SP110: variants seen among roughly 807,000 people sequenced by gnomAD.
SP110 encodes SP110 nuclear body protein.
SP110 carries 62 observed loss-of-function variants against 92.7 expected under a neutral mutation model. That is an observed-to-expected ratio of 0.67 (90% confidence interval 0.55 to 0.83). The LOEUF is 0.83. Ranked by LOEUF, SP110 falls within the 40% of genes least tolerant of loss-of-function variation. The pLI is 0.00. For synonymous variants in SP110, 273 were observed against 305.3 expected, an observed-to-expected ratio of 0.89 and a Z score of 1.10; for missense variants, 793 against 863.9, an observed-to-expected ratio of 0.92 and a Z score of 1.03.
At chr2:230,171,958 AG>A (rs2078454034) in intron 16 of SP110, 107 bp downstream of exon 16, 2 of 851,704 alleles carry the variant, frequency 2.3e-6, no homozygotes. Flanking sequence ...CATCCTTTAA[AG>A]GGAGACATTG....
At chr2:230,213,729 ATC>A in intron 3 of SP110, 1 of 152,862 alleles carries the variant, frequency 6.5e-6, no homozygotes, top group South Asian at 2.1e-4. Flanking sequence ...GAACAAAATC[ATC>A]AGGTTGAAGA....
chr2:230,196,232 C>A (rs2042864353), intron 10 of SP110, among the ~76,000 whole-genome samples: 2 of 152,030 alleles, frequency 1.3e-5, no homozygotes, highest in African/African-American at 2.4e-5. Flanking sequence ...AATTATTGGA[C>A]AAGTGTGCAA....
At chr2:230,223,931 C>A (rs1409894205), upstream of SP110, among the ~76,000 whole-genome samples, 1 of 152,212 alleles carries the variant, frequency 6.6e-6, no homozygotes, top group African/African-American at 2.4e-5. Context: ...AGGCCGGAGC[C>A]TTCTGACTCC....
chr2:230,185,873 T>C, intron 11 of SP110, 121 bp downstream of exon 11: 2 of 895,806 alleles, frequency 2.2e-6, no homozygotes, highest in Non-Finnish European at 3.8e-6. Flanking sequence ...TTCATGTCCC[T>C]CTTTTCTGTA....
At chr2:230,195,011 C>A (rs1221659560) in intron 10 of SP110, among the ~76,000 whole-genome samples, 1 of 151,720 alleles carries the variant, frequency 6.6e-6, no homozygotes, top group African/African-American at 2.4e-5. Flanking sequence ...TGATAAACAC[C>A]AAGAGAGTAA....
intron 12 of SP110, among the ~76,000 whole-genome samples, chr2:230,179,344 G>A (rs1001074273): frequency 3.9e-5 from 6 of 152,034 alleles, no homozygotes; most frequent in South Asian, 4.1e-4. Flanking sequence ...TAGTGGGGGT[G>A]TGGGAACTTA....
intron 10 of SP110, among the ~76,000 whole-genome samples, chr2:230,192,984 A>C (rs973523583): frequency 3.3e-5 from 5 of 152,100 alleles, no homozygotes; most frequent in African/African-American, 1.2e-4. Flanking sequence ...TTGTTGTCTT[A>C]TCTCTTTTCT....
chr2:230,222,122 C>G (rs142775929), upstream of SP110, among the ~76,000 whole-genome samples: 2 of 151,222 alleles, frequency 1.3e-5, no homozygotes, highest in Non-Finnish European at 2.9e-5. Context: ...CCGAGCTACT[C>G]GGGAGGCTGA....
intron 11 of SP110, among the ~76,000 whole-genome samples, chr2:230,184,693 C>T (rs1240862849): frequency 2.8e-5 from 2 of 71,454 alleles, no homozygotes; most frequent in South Asian, 3.7e-4. Context: ...ATTTCCCTAA[C>T]GGATTTAACA....
chr2:230,206,892 A>G (rs1025244466), intron 8 of SP110, among the ~76,000 whole-genome samples: 2 of 151,994 alleles, frequency 1.3e-5, no homozygotes, highest in African/African-American at 4.8e-5. Context: ...ATCTCCTGAG[A>G]TGGCCAAATG....
chr2:230,171,903 G>T, intron 16 of SP110, 136 bp from the exon 17 acceptor site: 2 of 857,512 alleles, frequency 2.3e-6, no homozygotes. Flanking sequence ...GGCGCACAGG[G>T]TGTGTGGGAT....
At chr2:230,225,141 T>C (rs1413250684) in intron 1 of SP110, among the ~76,000 whole-genome samples, 1 of 152,188 alleles carries the variant, frequency 6.6e-6, no homozygotes, top group African/African-American at 2.4e-5. Context: ...AGTGAAATGG[T>C]TGAAGCTCAT....
intron 10 of SP110, among the ~76,000 whole-genome samples, chr2:230,195,863 A>G (rs1559156585): frequency 6.6e-6 from 1 of 152,196 alleles, no homozygotes; most frequent in Admixed American, 6.5e-5. Flanking sequence ...TTAAATATAC[A>G]TAGCATATAG....
intron 10 of SP110, among the ~76,000 whole-genome samples, chr2:230,194,670 A>G (rs73100069): frequency 0.028 from 4,244 of 152,272 alleles, 196 homozygotes; most frequent in African/African-American, 0.096. Context: ...TGAACACTCT[A>G]TGACTCCAAA....
chr2:230,175,792 TTCAAAGG>T (rs1244641958), intron 14 of SP110, among the ~76,000 whole-genome samples: 2 of 152,166 alleles, frequency 1.3e-5, no homozygotes, highest in Admixed American at 6.5e-5. Flanking sequence ...CAAAGCTCAG[TTCAAAGG>T]CGTCATTCCA....
chr2:230,211,629 C>T lies in SP110; in HGVS notation c.668-76G>A. 2.2e-6 allele frequency: 2 copies of T among 906,342 alleles called. No individual in the cohort carries two copies. Among genetic ancestry groups the T allele is most frequent in the Non-Finnish European group, 3.7e-6 (2 of 537,776 alleles). 56.1% of individuals were successfully genotyped at this position (906,342 alleles called of 1,614,324 possible). A position where few individuals can be genotyped will look rare whatever the true frequency, so the allele number is the denominator to read the frequency against. On this transcript the variant is annotated intron_variant, in intron 5 of 18. Transcript: ENST00000258381. The surrounding 1 kb of genome is among the most constrained non-coding windows in gnomAD (Gnocchi z 4.2). ...CAGAATGAGGAGAAAAGAGAATGCT[C>T]TATTCCAACAAGTAAAAATGACGGG...
At chr2:230,221,061 T>C (rs1365753081), upstream of SP110, among the ~76,000 whole-genome samples, 1 of 151,654 alleles carries the variant, frequency 6.6e-6, no homozygotes, top group Non-Finnish European at 1.5e-5. Context: ...GATGGGTGGA[T>C]CACAAGGTCA....
chr2:230,171,487 C>T (rs1413707184), intron 17 of SP110: 1 of 602,240 alleles, frequency 1.7e-6, no homozygotes, highest in Non-Finnish European at 3.0e-6. Flanking sequence ...GCCCGGTATC[C>T]CAGAGCCCGT....
chr2:230,212,497 A>G (rs905347936), intron 4 of SP110, 67 bp from the exon 5 acceptor site: 27 of 1,310,756 alleles, frequency 2.1e-5, no homozygotes, highest in Middle Eastern at 3.6e-4. Context: ...GTGAATGTTA[A>G]AAGTGCCTGG....
Sources: allele counts gnomAD v4.1 joint callset (sites outside exome capture counted in the v4.1 genomes callset), GRCh38; gene constraint gnomAD v4.1.1; non-coding constraint Gnocchi (gnomAD v3.1); transcripts MANE v1.5; gene names NCBI Gene and HGNC (gene_info 2026-07-23, HGNC 2026-07-21).